The following SPIRE1 variants were observed in gnomAD, a reference collection of about 807,000 sequenced individuals.
SPIRE1 encodes protein spire homolog 1.
SPIRE1 carries 40 observed loss-of-function variants against 94.1 expected under a neutral mutation model. The ratio of observed to expected loss-of-function variants is 0.43; its 90% CI spans 0.33 to 0.55. SPIRE1 has a LOEUF of 0.55. Ranked by LOEUF, SPIRE1 falls within the 20% of genes least tolerant of loss-of-function variation. The probability of loss-of-function intolerance (pLI) is 0.06; values close to 1 mark genes in which losing one functional copy is unlikely to be tolerated. For missense variants in SPIRE1, 838 were observed against 975.2 expected (o/e 0.86, Z 1.87); for synonymous variants, 376 against 371.7 (o/e 1.01, Z -0.13).
upstream of SPIRE1, chr18:12,658,686 C>T (rs934422237): frequency 6.8e-6 from 3 of 442,690 alleles, no homozygotes; most frequent in South Asian, 1.6e-5. Flanking sequence ...TGAAAGCCTC[C>T]GGCAGTTTCC....
intron 2 of SPIRE1, among the ~76,000 whole-genome samples, chr18:12,600,862 C>CT (rs2036814573): frequency 1.0e-5 from 1 of 99,372 alleles, no homozygotes; most frequent in Non-Finnish European, 2.6e-5. Context: ...GTACAAGGAC[C>CT]ACAGTGTACG....
At chr18:12,525,133 C>T (rs1464707259) in intron 4 of SPIRE1, among the ~76,000 whole-genome samples, 2 of 151,182 alleles carry the variant, frequency 1.3e-5, no homozygotes, top group African/African-American at 2.4e-5. Flanking sequence ...AAAAATTAGC[C>T]GGGCGTGGTG....
chr18:12,647,770 A>G (rs62095972), intron 1 of SPIRE1, among the ~76,000 whole-genome samples: 25,288 of 152,150 alleles, frequency 0.17, 2,216 homozygotes, highest in Admixed American at 0.24. Context: ...ATAAATAAAA[A>G]CAAAACAATA....
chr18:12,468,109 A>G (rs1373980202), intron 10 of SPIRE1, among the ~76,000 whole-genome samples: 1 of 152,262 alleles, frequency 6.6e-6, no homozygotes, highest in East Asian at 1.9e-4. Context: ...ATTCTGTAAG[A>G]AAACTATCTC....
intron 2 of SPIRE1, among the ~76,000 whole-genome samples, chr18:12,567,317 GA>G (rs1184531015): frequency 6.6e-6 from 1 of 152,062 alleles, no homozygotes; most frequent in African/African-American, 2.4e-5. Flanking sequence ...TGAACAAAAT[GA>G]AAGAACTAAA....
chr18:12,546,006 T>C (rs1298238848), intron 3 of SPIRE1, among the ~76,000 whole-genome samples: 1 of 152,154 alleles, frequency 6.6e-6, no homozygotes, highest in African/African-American at 2.4e-5. Context: ...ATTATTATTA[T>C]TGAGACGGAG....
intron 2 of SPIRE1, among the ~76,000 whole-genome samples, chr18:12,619,824 C>T (rs991167590): frequency 8.9e-5 from 11 of 122,912 alleles, no homozygotes; most frequent in African/African-American, 3.3e-4. Flanking sequence ...CCAGCCTGGG[C>T]AACAGAGCGA....
intron 10 of SPIRE1, among the ~76,000 whole-genome samples, chr18:12,468,403 C>A (rs2032209697): frequency 6.6e-6 from 1 of 152,150 alleles, no homozygotes. Context: ...CTTTTAGGTA[C>A]ATGTTGAGCT....
Position 12,503,541 on chromosome 18 carries a change from T to C in SPIRE1, c.972+2936A>G, listed in dbSNP as rs116401934. On this transcript the variant is annotated intron_variant, in intron 6 of 16. Transcript: ENST00000409402. The stretch of plus-strand genomic sequence containing the variant: ...TGCATTCTGTTCTATCCTCTAATGA[T>C]GGCGAGTTGTTTTTGTTGTTCTCAT... 6.2e-3 allele frequency among the ~76,000 whole-genome samples: 952 copies of C among 152,338 alleles called. 5 individuals carry two copies. The highest frequency in any genetic ancestry group is 0.022 in the African/African-American group (908 of 41,578).
At chr18:12,498,847 G>A (rs764231545) in intron 6 of SPIRE1, among the ~76,000 whole-genome samples, 2 of 152,178 alleles carry the variant, frequency 1.3e-5, no homozygotes, top group African/African-American at 2.4e-5. Context: ...GGTCTTGAAT[G>A]TTCAGACTCA....
intron 2 of SPIRE1, among the ~76,000 whole-genome samples, chr18:12,547,702 G>GA (rs2035214388): frequency 6.6e-6 from 1 of 152,140 alleles, no homozygotes; most frequent in Non-Finnish European, 1.5e-5. Context: ...AGCACTTTGG[G>GA]AGGCTGAGGC....
At chr18:12,615,542 C>CAAAAAAAAAAA (rs71174108) in intron 2 of SPIRE1, among the ~76,000 whole-genome samples, 1 of 75,790 alleles carries the variant, frequency 1.3e-5, no homozygotes, top group Non-Finnish European at 2.7e-5. Flanking sequence ...TCTATCTCCA[C>CAAAAAAAAAAA]AAAAAAAAAA....
At chr18:12,525,028 G>A (rs529592136) in intron 4 of SPIRE1, among the ~76,000 whole-genome samples, 1 of 150,946 alleles carries the variant, frequency 6.6e-6, no homozygotes, top group East Asian at 2.0e-4. Flanking sequence ...TGTAATCCCA[G>A]CACTTTGGGA....
intron 4 of SPIRE1, among the ~76,000 whole-genome samples, chr18:12,516,418 G>A (rs1014857042): frequency 1.3e-5 from 2 of 152,184 alleles, no homozygotes; most frequent in Admixed American, 6.5e-5. Flanking sequence ...TTGATAGAGT[G>A]TGAGAATAGG....
At chr18:12,540,438 C>T (rs1598450313) in intron 3 of SPIRE1, among the ~76,000 whole-genome samples, 2 of 152,154 alleles carry the variant, frequency 1.3e-5, no homozygotes, top group Admixed American at 6.5e-5. Flanking sequence ...CGAAGTGTTG[C>T]GATCTTGGCT....
intron 2 of SPIRE1, among the ~76,000 whole-genome samples, chr18:12,612,998 C>T (rs1224730776): frequency 6.6e-6 from 1 of 152,182 alleles, no homozygotes; most frequent in East Asian, 1.9e-4. Context: ...GCACTCAGCA[C>T]CTTTTAATGT....
chr18:12,605,508 A>T (rs1239143170), intron 2 of SPIRE1, among the ~76,000 whole-genome samples: 1 of 152,200 alleles, frequency 6.6e-6, no homozygotes, highest in African/African-American at 2.4e-5. Context: ...CTGTCTCAAA[A>T]AAATAAAAAA....
At chr18:12,646,963 G>T (rs1435640110) in intron 1 of SPIRE1, among the ~76,000 whole-genome samples, 1 of 150,934 alleles carries the variant, frequency 6.6e-6, no homozygotes, top group Non-Finnish European at 1.5e-5. Context: ...AGAATCACTT[G>T]AACCCAGAAG....
chr18:12,545,114 G>A (rs2035124131), intron 3 of SPIRE1, among the ~76,000 whole-genome samples: 1 of 152,132 alleles, frequency 6.6e-6, no homozygotes, highest in Non-Finnish European at 1.5e-5. Context: ...GAACAAGCTG[G>A]TCATTTGTGG....
Sources: gnomAD v4.1 joint callset for allele counts (sites outside exome capture counted in the v4.1 genomes callset) on GRCh38, gnomAD v4.1.1 for gene constraint, MANE v1.5 for transcripts, NCBI Gene and HGNC (gene_info 2026-07-23, HGNC 2026-07-21) for gene names.